TECPR2: variants seen among roughly 807,000 people sequenced by gnomAD.
TECPR2 encodes tectonin beta-propeller repeat-containing protein 2.
A neutral mutation model predicts 138.1 loss-of-function variants in TECPR2; 65 were observed. That is an observed-to-expected ratio of 0.47 (90% CI 0.39 to 0.58). The LOEUF is 0.58. Among genes scored for constraint, TECPR2 ranks in the 20% least tolerant of loss-of-function variants. The pLI, the probability that TECPR2 is intolerant of heterozygous loss-of-function variation, is 0.00. For synonymous variants in TECPR2, 746 were observed against 749.8 expected (o/e 0.99, Z 0.08); for missense variants, 1,553 against 1,824.5 (o/e 0.85, Z 2.71).
chr14:102,418,382 G>A (rs1889085096), intron 5 of TECPR2, among the ~76,000 whole-genome samples: 2 of 152,240 alleles, frequency 1.3e-5, no homozygotes, highest in Non-Finnish European at 2.9e-5. Flanking sequence ...AGGGTGCAGA[G>A]CCAGAGAGGG....
At chr14:102,389,530 C>T (rs901901076) in intron 2 of TECPR2, among the ~76,000 whole-genome samples, 1 of 152,100 alleles carries the variant, frequency 6.6e-6, no homozygotes, top group African/African-American at 2.4e-5. Context: ...TTAGAGAAGT[C>T]AGAAGACCAA....
At chr14:102,396,630 A>G (rs1243474452) in intron 2 of TECPR2, among the ~76,000 whole-genome samples, 2 of 152,220 alleles carry the variant, frequency 1.3e-5, no homozygotes, top group African/African-American at 2.4e-5. Flanking sequence ...TGATCTAACT[A>G]TTTTGGAACT....
intron 16 of TECPR2, among the ~76,000 whole-genome samples, chr14:102,459,993 G>A (rs1212417382): frequency 6.6e-6 from 1 of 152,130 alleles, no homozygotes; most frequent in Non-Finnish European, 1.5e-5. Flanking sequence ...ATTTCAGACT[G>A]GGTGTGGTGG....
rs565236204 is a variant in TECPR2 at position 102,428,222 on chromosome 14, GTTTTTTTT to G, written c.952-13_952-6del. On this transcript the variant is annotated intron_variant, in intron 6 of 19. Transcript: ENST00000359520. ...ACCGTTGTTTAGTTTTGTGTTTTTTGTTTTTTTTTTTTTTTTTTTTTTGACAGGCCACA... is the reference window on the plus strand; with the variant it reads ...ACCGTTGTTTAGTTTTGTGTTTTTTGTTTTTTTTTTTTTTGACAGGCCACA... The G allele has an allele frequency of 9.1e-5, 96 of 1,058,578 alleles. No individual in the cohort carries two copies. The highest frequency in any genetic ancestry group is 3.2e-4 in the Middle Eastern group (1 of 3,158). The allele number at this position is 1,058,578 out of a possible 1,614,324, so 65.6% of individuals were successfully genotyped here.
rs912777283 is a variant in TECPR2, at chr14:102,420,711, T to G, written c.639-4268T>G. On this transcript the variant is annotated intron_variant, in intron 5 of 19. Transcript: ENST00000359520. This position sits in a 1 kb window ranked among gnomAD's most constrained non-coding sequence, Gnocchi z 4.1. ...TTGTCAAACTCCTGGGCTCAAGCAG[T>G]CCTCCCTCCTTGGCCTCCAAAAGTG... is the stretch of plus-strand genomic sequence containing the variant. Among the ~76,000 whole-genome samples, 6 of 152,098 alleles carry G rather than the reference T, an allele frequency of 3.9e-5. No individual in the cohort carries two copies. The highest frequency in any genetic ancestry group is 2.6e-4 in the Admixed American group (4 of 15,264).
chr14:102,408,912 A>T (rs1483843434), intron 4 of TECPR2, among the ~76,000 whole-genome samples: 1 of 152,206 alleles, frequency 6.6e-6, no homozygotes, highest in Non-Finnish European at 1.5e-5. Context: ...AGTAGGAGTG[A>T]TGCCAAGCAC....
Position 102,502,188 on chromosome 14 carries a change from A to C in TECPR2, c.*3931A>C, listed in dbSNP as rs373785353. ...CAGCGTGAAGTTCCCGGGCATGGTC[A>C]TGAAAGCGTGGTTCTGTAAGAAATC... On this transcript the variant is annotated 3_prime_UTR_variant, in exon 20 of 20. Coordinates refer to ENST00000359520, the MANE Select transcript of TECPR2 (RefSeq NM_014844.5). 6.6e-6 allele frequency: 1 copy of C among 152,362 alleles called. No homozygotes were observed. The highest frequency in any genetic ancestry group is 2.1e-4 in the South Asian group (1 of 4,832). The allele number at this position is 152,362 out of a possible 1,614,324, so 9.4% of individuals were successfully genotyped here.
intron 6 of TECPR2, 36 bp from the exon 7 acceptor site, chr14:102,428,214 T>G: frequency 1.3e-6 from 2 of 1,492,062 alleles, no homozygotes; most frequent in Admixed American, 2.7e-5. Context: ...TTTAGTTTTG[T>G]GTTTTTTGTT....
In TECPR2 at chr14:102,443,679, G is replaced by A. The variant is rs766411435; in HGVS notation, c.2785G>A (p.Val929Ile). The A allele has an allele frequency of 6.9e-6, 11 of 1,604,932 alleles. No individual in the cohort carries two copies. The highest frequency in any genetic ancestry group is 4.5e-5 in the East Asian group (2 of 44,766). The change falls in exon 12 of 20, where the codon GTA becomes ATA. Residue 929 changes from valine (V) to isoleucine (I), a missense_variant. By Grantham distance (29) the Val-to-Ile change is conservative. Coordinates refer to ENST00000359520, the MANE Select transcript of TECPR2 (RefSeq NM_014844.5). This position sits in a 1 kb window ranked among gnomAD's most constrained non-coding sequence, Gnocchi z 4.9. ...LSVDRPCARA[V>I]KVDCPYPLSQ... ...CGTGGATCGCCCTTGTGCCAGAGCC[G>A]TAAAGGTGGACTGTCCCTACCCGCT...
intron 2 of TECPR2, among the ~76,000 whole-genome samples, chr14:102,403,399 A>G (rs1888550701): frequency 6.6e-6 from 1 of 152,248 alleles, no homozygotes; most frequent in South Asian, 2.1e-4. Context: ...AAAGCCATAT[A>G]TGAAAAACAG....
At chr14:102,409,338 C>T (rs528739740) in intron 4 of TECPR2, among the ~76,000 whole-genome samples, 6 of 151,086 alleles carry the variant, frequency 4.0e-5, no homozygotes, top group Non-Finnish European at 5.9e-5. Context: ...TCGCTCTTGT[C>T]GCCCAGGCTG....
At chr14:102,433,958 A>C (rs1352116046) in intron 8 of TECPR2, among the ~76,000 whole-genome samples, 9 of 152,192 alleles carry the variant, frequency 5.9e-5, no homozygotes, top group Non-Finnish European at 1.2e-4. Flanking sequence ...TAAGCATTTT[A>C]ATAATTATAA....
intron 7 of TECPR2, among the ~76,000 whole-genome samples, chr14:102,430,933 A>G (rs1433751793): frequency 6.6e-6 from 1 of 152,208 alleles, no homozygotes; most frequent in Non-Finnish European, 1.5e-5. Context: ...TATGAAGTAT[A>G]ACTAAGCTGT....
chr14:102,441,344 A>G (rs1889824668), intron 11 of TECPR2, among the ~76,000 whole-genome samples: 1 of 149,716 alleles, frequency 6.7e-6, no homozygotes, highest in Non-Finnish European at 1.5e-5. Context: ...TGCTGGGATT[A>G]CAGGTGTGAG....
chr14:102,412,060 T>G (rs1053003245), intron 4 of TECPR2, among the ~76,000 whole-genome samples: 1 of 151,964 alleles, frequency 6.6e-6, no homozygotes, highest in African/African-American at 2.4e-5. Flanking sequence ...TTTTGTAACA[T>G]TATGTATTGG....
chr14:102,416,435 T>C lies in TECPR2; in HGVS notation c.638+1642T>C, dbSNP rs553011006. On this transcript the variant is annotated intron_variant, in intron 5 of 19. Transcript: ENST00000359520. The stretch of plus-strand genomic sequence containing the variant: ...CACATGCGGCCTGCTGAACACCTTC[T>C]TAATCCCATCAACAATCTGGCCTTT... 2.0e-3 allele frequency among the ~76,000 whole-genome samples: 311 copies of C among 152,306 alleles called. 1 individual carries two copies. Among genetic ancestry groups the C allele is most frequent in the Non-Finnish European group, 3.9e-3 (263 of 68,012 alleles).
chr14:102,365,490 T>G (rs1165331973), intron 1 of TECPR2, among the ~76,000 whole-genome samples: 1 of 152,128 alleles, frequency 6.6e-6, no homozygotes, highest in Non-Finnish European at 1.5e-5. Context: ...AGCTGATGGA[T>G]GCACAAACAA....
chr14:102,437,888 G>A, intron 9 of TECPR2, 134 bp from the exon 10 acceptor site: 1 of 1,005,776 alleles, frequency 9.9e-7, no homozygotes, highest in South Asian at 1.6e-5. Flanking sequence ...TTGGGAGAAG[G>A]GTTGACTTGG....
chr14:102,463,463 C>T (rs1248505738), intron 16 of TECPR2, among the ~76,000 whole-genome samples: 1 of 148,698 alleles, frequency 6.7e-6, no homozygotes, highest in Non-Finnish European at 1.5e-5. Context: ...AAACAGGAGG[C>T]AGAGGTTGCA....
Sources: gnomAD v4.1 joint callset for allele counts (sites outside exome capture counted in the v4.1 genomes callset) on GRCh38, gnomAD v4.1.1 for gene constraint, Gnocchi (gnomAD v3.1) non-coding constraint, MANE v1.5 for transcripts, NCBI Gene and HGNC (gene_info 2026-07-23, HGNC 2026-07-21) for gene names.